CYP11B1: variants seen among roughly 807,000 people sequenced by gnomAD.
The protein encoded by CYP11B1 is cytochrome P450 11B1, mitochondrial.
Under a neutral mutation model 48.3 loss-of-function variants are expected in CYP11B1, and 34 were observed. The ratio of observed to expected loss-of-function variants is 0.70; its 90% confidence interval spans 0.54 to 0.94. The LOEUF (loss-of-function observed/expected upper bound fraction) is 0.94. Among genes scored for constraint, CYP11B1 ranks in the 40% least tolerant of loss-of-function variants. CYP11B1 has a pLI of 0.00. For synonymous variants in CYP11B1, 291 were observed against 262.5 expected, an observed-to-expected ratio of 1.11 and a Z score of -1.05; for missense variants, 688 against 657.4, an observed-to-expected ratio of 1.05 and a Z score of -0.51.
chr8:142,876,984 C>T, intron 3 of CYP11B1, 39 bp downstream of exon 3: 1 of 1,612,570 alleles, frequency 6.2e-7, no homozygotes, highest in Non-Finnish European at 8.5e-7. Flanking sequence ...CTGGCCACTC[C>T]AGGGTCTCTG....
rs1816863671 is a variant in CYP11B1 at position 142,874,181 on chromosome 8, G to A, written c.*192C>T. The A allele has an allele frequency of 1.6e-6, 1 of 631,784 alleles. No individual in the cohort carries two copies. Among genetic ancestry groups the A allele is most frequent in the African/African-American group, 1.8e-5 (1 of 55,314 alleles). The allele number at this position is 631,784 out of a possible 1,614,324, so 39.1% of individuals were successfully genotyped here. On this transcript the variant is annotated 3_prime_UTR_variant, in exon 9 of 9. Coordinates refer to ENST00000292427, the MANE Select transcript of CYP11B1 (RefSeq NM_000497.4). ...AAGGTCAGCAAGATCTTCCCCAGCT[G>A]TGCCCTGGCATTGCTGCTTAGCCTG... is the stretch of plus-strand genomic sequence containing the variant.
chr8:142,879,703 G>A lies in CYP11B1; in HGVS notation c.111C>T (p.Pro37=). 6.2e-7 allele frequency: 1 copy of A among 1,614,250 alleles called. No homozygotes were observed. Among genetic ancestry groups the A allele is most frequent in the South Asian group, 1.1e-5 (1 of 91,090 alleles). Residue 37 remains proline, a synonymous_variant, in exon 1 of 9, where the codon CCC becomes CCT. Coordinates refer to ENST00000292427, the MANE Select transcript of CYP11B1 (RefSeq NM_000497.4). ...CTGGACGCCGGGGCATGGCTTCAAAGGGCAGCACTGTCCTGGGGACCCGGG... is the reference window on the plus strand; with the variant it reads ...CTGGACGCCGGGGCATGGCTTCAAAAGGCAGCACTGTCCTGGGGACCCGGG... ...RAARVPRTVL[P]FEAMPRRPGN...
chr8:142,876,588 T>A, intron 4 of CYP11B1, 94 bp downstream of exon 4: 1 of 1,555,322 alleles, frequency 6.4e-7, no homozygotes, highest in South Asian at 1.2e-5. Context: ...GACCCCTCCC[T>A]GTGGCCTCCA....
rs771775313 is a variant in CYP11B1, at chr8:142,875,115, G to C, written c.1240C>G (p.Pro414Ala). The C allele has an allele frequency of 5.6e-5, 90 of 1,614,116 alleles. No individual in the cohort carries two copies. The highest frequency in any genetic ancestry group is 6.8e-5 in the Non-Finnish European group (80 of 1,180,034). ...CGCTCAGGCCTCGGGAACAAGGCGG[G>C]GTTGCGACCCAGAGAGTAGAGGAAC... ...RVFLYSLGRN[P>A]ALFPRPERYN... The change falls in exon 8 of 9, where the codon CCC becomes GCC. Residue 414 changes from proline to alanine, a missense_variant. Coordinates refer to ENST00000292427, the MANE Select transcript of CYP11B1 (RefSeq NM_000497.4).
chr8:142,876,941 C>T (rs1816974752), intron 3 of CYP11B1, 56 bp from the exon 4 acceptor site: 1 of 1,612,858 alleles, frequency 6.2e-7, no homozygotes, highest in African/African-American at 1.3e-5. Flanking sequence ...CTGGCTGCCT[C>T]CCCACACTCC....
rs1816871766 is a variant in CYP11B1, at chr8:142,874,557, C to A, written c.1399-71G>T. On this transcript the variant is annotated intron_variant, in intron 8 of 8. Transcript: ENST00000292427. ...GCACGTGGTGCAGCCTTCTCAGACCCTCAAAGTTGCAGAGATTATGCTGAA... is the reference window on the plus strand; with the variant it reads ...GCACGTGGTGCAGCCTTCTCAGACCATCAAAGTTGCAGAGATTATGCTGAA... The A allele has an allele frequency of 7.6e-6, 8 of 1,051,404 alleles. No individual in the cohort carries two copies. In the Admixed American group the frequency reaches 1.4e-4, roughly 18 times the overall value. The allele number at this position is 1,051,404 out of a possible 1,614,324, so 65.1% of individuals were successfully genotyped here.
chr8:142,879,157 A>G lies in CYP11B1; in HGVS notation c.270T>C (p.Cys90=), dbSNP rs778601992. 30 of 1,613,688 alleles carry G rather than the reference A, an allele frequency of 1.9e-5. No homozygotes were observed. In the Admixed American group the frequency reaches 3.0e-4, roughly 16 times the overall value. ...RYDLGGAGMV[C]VMLPEDVEKL... ...TCTCCACGTCCTCCGGCAGCATCAC[A>G]CACACCATGCCTGCTCCTCCCAAGT... The change falls in exon 2 of 9, where the codon TGT becomes TGC. Residue 90 remains cysteine, a synonymous_variant. Coordinates refer to ENST00000292427, the MANE Select transcript of CYP11B1 (RefSeq NM_000497.4).
chr8:142,874,409 G>T lies in CYP11B1; in HGVS notation c.1476C>A (p.Ser492Arg). ...CTCTGAAGGTGAGGAGGGGGAACAT[G>T]CTGGGCCTCAATATGAAGCTGTAGA... ...KMVYSFILRP[S>R]MFPLLTFRAI... Residue 492 changes from serine (S) to arginine (R), a missense_variant, in exon 9 of 9, where the codon AGC becomes AGA. Physicochemically the swap from Ser to Arg is moderately radical, Grantham distance 110. Transcript: ENST00000292427. 2 of 1,613,926 alleles carry T rather than the reference G, an allele frequency of 1.2e-6. No individual in the cohort carries two copies. Among genetic ancestry groups the T allele is most frequent in the South Asian group, 1.1e-5 (1 of 91,074 alleles).
rs764534524 is a variant in CYP11B1 at position 142,875,814 on chromosome 8, A to C, written c.1019T>G (p.Leu340Arg). Reference sequence around the variant, plus strand: ...TGCGGCGGCCAGGCTCTCCTGGCGCAGGGCCTGCTGCACGTTGGGGTTCCG... The same window carrying C: ...TGCGGCGGCCAGGCTCTCCTGGCGCCGGGCCTGCTGCACGTTGGGGTTCCG... ...LARNPNVQQALRQESLAAAAS... is the reference protein window; with the variant it reads ...LARNPNVQQARRQESLAAAAS... Residue 340 changes from leucine to arginine, a missense_variant, in exon 6 of 9, where the codon CTG becomes CGG. Coordinates refer to ENST00000292427, the MANE Select transcript of CYP11B1 (RefSeq NM_000497.4). The C allele has an allele frequency of 8.1e-6, 13 of 1,613,948 alleles. No homozygotes were observed. Among genetic ancestry groups the C allele is most frequent in the Non-Finnish European group, 1.1e-5 (13 of 1,180,012 alleles).
Position 142,879,656 on chromosome 8 carries a change from A to G in CYP11B1, c.158T>C (p.Leu53Pro). Reference protein sequence around the residue: ...RRPGNRWLRLLQIWREQGYED... With the variant: ...RRPGNRWLRLPQIWREQGYED... ...ATAACCCTGCTCCCTCCAGATCTGC[A>G]GCAGCCTCAGCCACCTGTTGCCTGG... The change falls in exon 1 of 9, where the codon CTG becomes CCG. Residue 53 changes from leucine (L) to proline (P), a missense_variant. By Grantham distance (98) the Leu-to-Pro change is moderately conservative. Coordinates refer to ENST00000292427, the MANE Select transcript of CYP11B1 (RefSeq NM_000497.4). The G allele has an allele frequency of 6.2e-7, 1 of 1,614,210 alleles. No individual in the cohort carries two copies. Among genetic ancestry groups the G allele is most frequent in the Non-Finnish European group, 8.5e-7 (1 of 1,180,030 alleles).
At chr8:142,874,533 C>G in intron 8 of CYP11B1, 47 bp from the exon 9 acceptor site, 1 of 1,295,430 alleles carries the variant, frequency 7.7e-7, no homozygotes, top group Non-Finnish European at 1.1e-6. Flanking sequence ...GCAGCCCATG[C>G]ACGTGGTGCA....
chr8:142,879,337 C>CCT (rs1817069960), intron 1 of CYP11B1, 150 bp from the exon 2 acceptor site: 1 of 1,606,412 alleles, frequency 6.2e-7, no homozygotes, highest in Non-Finnish European at 8.5e-7. Flanking sequence ...CTGCCCGGAA[C>CCT]CTCTTAACTT....
At position 142,879,204 on chromosome 8, in the gene CYP11B1, G is replaced by C; in HGVS notation, c.240-17C>G. On this transcript the variant is annotated splice_polypyrimidine_tract_variant and intron_variant, in intron 1 of 8. Transcript: ENST00000292427. ...AAGTCGTACCTGTGGGGCCAAGCAC[G>C]AGGCCGTGCTGGATGGGACCATGTC... The C allele has an allele frequency of 6.2e-7, 1 of 1,613,894 alleles. No homozygotes were observed.
intron 8 of CYP11B1, 94 bp downstream of exon 8, chr8:142,874,863 C>T: frequency 6.8e-7 from 1 of 1,479,384 alleles, no homozygotes; most frequent in Middle Eastern, 2.4e-4. Context: ...ATGCAGGCCA[C>T]TCCCACTCTG....
intron 8 of CYP11B1, 98 bp from the exon 9 acceptor site, chr8:142,874,584 G>A: frequency 1.1e-6 from 1 of 870,530 alleles, no homozygotes; most frequent in Non-Finnish European, 2.0e-6. Flanking sequence ...TATGCTGAAG[G>A]GGGAACAGCA....
At position 142,873,015 on chromosome 8, in the gene CYP11B1, A is replaced by G. The variant is rs886062734; in HGVS notation, c.*1358T>C. On this transcript the variant is annotated 3_prime_UTR_variant, in exon 9 of 9. Coordinates refer to ENST00000292427, the MANE Select transcript of CYP11B1 (RefSeq NM_000497.4). Reference sequence around the variant, plus strand: ...CTTAGCCTTCTAAGCCTTCAGAACCATGAGAAATAGAATTCTGATGTTTGT... The same window carrying G: ...CTTAGCCTTCTAAGCCTTCAGAACCGTGAGAAATAGAATTCTGATGTTTGT... 2.6e-5 allele frequency: 4 copies of G among 152,252 alleles called. No homozygotes were observed. Among genetic ancestry groups the G allele is most frequent in the Non-Finnish European group, 5.9e-5 (4 of 68,056 alleles). The allele number at this position is 152,252 out of a possible 1,614,324, so 9.4% of individuals were successfully genotyped here.
At position 142,875,215 on chromosome 8, in the gene CYP11B1, G is replaced by T. The variant is rs767690646; in HGVS notation, c.1200+19C>A. ...TGGGGAGGGAGGTTCTCAGCTCGAG[G>T]GGTGTGGGGCTCACTCACCCCAGCT... On this transcript the variant is annotated intron_variant, in intron 7 of 8. Transcript: ENST00000292427. 1 of 1,614,008 alleles carries T rather than the reference G, an allele frequency of 6.2e-7. No individual in the cohort carries two copies. The highest frequency in any genetic ancestry group is 1.3e-5 in the African/African-American group (1 of 74,934).
chr8:142,874,765 C>G (rs916397504), intron 8 of CYP11B1, among the ~76,000 whole-genome samples, 192 bp downstream of exon 8: 3 of 152,108 alleles, frequency 2.0e-5, no homozygotes, highest in African/African-American at 7.2e-5. Context: ...ATGGTACGCT[C>G]CTCACCATAC....
chr8:142,877,563 G>A (rs868806548), intron 2 of CYP11B1, among the ~76,000 whole-genome samples: 16 of 152,192 alleles, frequency 1.1e-4, no homozygotes, highest in Non-Finnish European at 1.8e-4. Flanking sequence ...TTTTCTGCAA[G>A]AAAGGAACTG....
Sources: gnomAD v4.1 joint callset for allele counts (sites outside exome capture counted in the v4.1 genomes callset) on GRCh38, gnomAD v4.1.1 for gene constraint, MANE v1.5 for transcripts, NCBI Gene and HGNC (gene_info 2026-07-23, HGNC 2026-07-21) for gene names.